The following ESPNL variants were observed in gnomAD, a reference collection of about 807,000 sequenced individuals.
The protein encoded by ESPNL is espin like, also known as espin-like protein.
A neutral mutation model predicts 46.8 loss-of-function variants in ESPNL; 49 were observed. The ratio of observed to expected loss-of-function variants is 1.05; its 90% CI spans 0.83 to 1.33. ESPNL has a LOEUF of 1.33. ESPNL is among the 40% of genes most tolerant of loss of function. The pLI, the probability that ESPNL is intolerant of heterozygous loss-of-function variation, is 0.00. For synonymous variants in ESPNL, 664 were observed against 662.1 expected (o/e 1.00, Z -0.04); for missense variants, 1,540 against 1,436.6 (o/e 1.07, Z -1.16).
intron 4 of ESPNL, among the ~76,000 whole-genome samples, chr2:238,109,110 G>A (rs954543169): frequency 1.3e-5 from 2 of 152,202 alleles, no homozygotes; most frequent in African/African-American, 2.4e-5. Context: ...CGCAGGCCCT[G>A]GGAGGCATGT....
At position 238,128,896 on chromosome 2, in the gene ESPNL, G is replaced by A. The variant is rs768608693; in HGVS notation, c.1405G>A (p.Glu469Lys). Residue 469 changes from glutamate (E) to lysine (K), a missense_variant, in exon 8 of 9, where the codon GAG becomes AAG. Transcript: ENST00000343063. ...GCGCCTGGGCGCAGAGAGCTCCGCA[G>A]AGGCCCAGGTAGGCCCCCGGCAGGG... ...QARLGAESSA[E>K]AQDNGGSSGP... The A allele has an allele frequency of 5.6e-5, 86 of 1,540,902 alleles. No individual in the cohort carries two copies. Among genetic ancestry groups the A allele is most frequent in the Non-Finnish European group, 7.4e-5 (85 of 1,145,676 alleles).
At position 238,102,065 on chromosome 2, in the gene ESPNL, C is replaced by T. The variant is rs372806468; in HGVS notation, c.419C>T (p.Pro140Leu). The stretch of plus-strand genomic sequence containing the variant: ...CTAGAGACCCGGGAGGGAGCCCGGC[C>T]GCTGCACCACGCTGCCGTCAGTGGG... ...ATLETREGARPLHHAAVSGDL... is the reference protein window; with the variant it reads ...ATLETREGARLLHHAAVSGDL... The change falls in exon 2 of 9, where the codon CCG becomes CTG. Residue 140 changes from proline to leucine, a missense_variant. Coordinates refer to ENST00000343063, the MANE Select transcript of ESPNL (RefSeq NM_194312.4). 2.6e-5 allele frequency: 42 copies of T among 1,587,782 alleles called. No homozygotes were observed. The African/African-American group carries it at 3.5e-4, about 13-fold the overall frequency.
At chr2:238,116,020 T>C (rs1691808010) in intron 4 of ESPNL, among the ~76,000 whole-genome samples, 1 of 152,248 alleles carries the variant, frequency 6.6e-6, no homozygotes, top group Non-Finnish European at 1.5e-5. Context: ...CACCCAAAGA[T>C]GCTGAGGCCC....
In ESPNL at chr2:238,131,166, G is replaced by A. The variant is rs1306959147; in HGVS notation, c.2452G>A (p.Val818Met). 7 of 1,544,898 alleles carry A rather than the reference G, an allele frequency of 4.5e-6. No homozygotes were observed. The highest frequency in any genetic ancestry group is 1.2e-5 in the South Asian group (1 of 84,056). Residue 818 changes from valine (V) to methionine (M), a missense_variant, in exon 9 of 9, where the codon GTG (valine) becomes ATG (methionine). Transcript: ENST00000343063. ...CAACTGGAAGGCCATCATGGCTCAC[G>A]TGCCCGCCCGGCAGCTGCGGCGGCT... ...LGNWKAIMAH[V>M]PARQLRRLSR... is the part of the protein sequence containing the mutation.
At chr2:238,113,511 T>G in intron 4 of ESPNL, among the ~76,000 whole-genome samples, 1 of 152,258 alleles carries the variant, frequency 6.6e-6, no homozygotes, top group East Asian at 1.9e-4. Flanking sequence ...CTTCTGGTTC[T>G]TGTTCATGGT....
At chr2:238,123,592 G>A (rs923960206) in intron 5 of ESPNL, among the ~76,000 whole-genome samples, 1 of 152,088 alleles carries the variant, frequency 6.6e-6, no homozygotes, top group Admixed American at 6.5e-5. Flanking sequence ...TCCCACACCC[G>A]GCCCAAGCCC....
At chr2:238,119,455 T>G (rs1197222835) in intron 5 of ESPNL, among the ~76,000 whole-genome samples, 2 of 76,214 alleles carry the variant, frequency 2.6e-5, no homozygotes, top group Admixed American at 1.4e-4. Flanking sequence ...GGAGAGGAGG[T>G]TAGATGAAGG....
At position 238,131,235 on chromosome 2, in the gene ESPNL, C is replaced by T; in HGVS notation, c.2521C>T (p.Pro841Ser). 1.9e-6 allele frequency: 3 copies of T among 1,561,550 alleles called. No homozygotes were observed. The highest frequency in any genetic ancestry group is 2.6e-6 in the Non-Finnish European group (3 of 1,156,324). ...GGCTTTGTCCCCCGAGCAGTTCCTGCCCCACGTGGACGGGGCTCCGGTGCC... is the reference window on the plus strand; with the variant it reads ...GGCTTTGTCCCCCGAGCAGTTCCTGTCCCACGTGGACGGGGCTCCGGTGCC... ...RGALSPEQFL[P>S]HVDGAPVPYS... Residue 841 changes from proline (P) to serine (S), a missense_variant, in exon 9 of 9, where the codon CCC becomes TCC. Transcript: ENST00000343063.
At chr2:238,108,812 C>G (rs1215278299) in intron 4 of ESPNL, among the ~76,000 whole-genome samples, 1 of 152,192 alleles carries the variant, frequency 6.6e-6, no homozygotes, top group Admixed American at 6.6e-5. Flanking sequence ...TCCTGGGGCC[C>G]CGGGTCACCC....
intron 6 of ESPNL, among the ~76,000 whole-genome samples, chr2:238,126,950 T>TGTGTGTCAC (rs1168591976): frequency 6.6e-6 from 1 of 151,166 alleles, no homozygotes; most frequent in Non-Finnish European, 1.5e-5. Flanking sequence ...TGTGTCACTG[T>TGTGTGTCAC]TATTGTGTGT....
chr2:238,121,912 A>G (rs1013459317), intron 5 of ESPNL, among the ~76,000 whole-genome samples: 8 of 152,366 alleles, frequency 5.3e-5, no homozygotes, highest in South Asian at 2.1e-4. Flanking sequence ...CCACACAGCC[A>G]GTAATGGAAT....
chr2:238,128,997 G>C, intron 8 of ESPNL, 93 bp downstream of exon 8: 5 of 1,464,186 alleles, frequency 3.4e-6, no homozygotes, highest in Non-Finnish European at 3.6e-6. Flanking sequence ...GCCCAGAACT[G>C]AATCCAAGAC....
chr2:238,123,125 C>T (rs899202259), intron 5 of ESPNL, among the ~76,000 whole-genome samples: 11 of 152,176 alleles, frequency 7.2e-5, no homozygotes, highest in African/African-American at 2.4e-5. Flanking sequence ...CTCTGAGGAC[C>T]GTTGAGTCTG....
intron 4 of ESPNL, among the ~76,000 whole-genome samples, chr2:238,109,611 C>A (rs7567226): frequency 0.4 from 60,760 of 152,180 alleles, 14,455 homozygotes; most frequent in East Asian, 0.67. Flanking sequence ...CCCACCTCAG[C>A]CTTCCAAAGT....
At chr2:238,111,824 T>C (rs536820719) in intron 4 of ESPNL, among the ~76,000 whole-genome samples, 2 of 152,370 alleles carry the variant, frequency 1.3e-5, no homozygotes, top group East Asian at 3.9e-4. Flanking sequence ...GGATCTACCC[T>C]GATTACTTTA....
rs764723977 is a variant in ESPNL, at chr2:238,107,788, C to G, written c.673-3C>G. ...GCTGCTCCCTCTGCCCCTCCTTCCCCAGGTCACATTCACCGACATCGGACT... is the reference window on the plus strand; with the variant it reads ...GCTGCTCCCTCTGCCCCTCCTTCCCGAGGTCACATTCACCGACATCGGACT... On this transcript the variant is annotated splice_region_variant and splice_polypyrimidine_tract_variant and intron_variant, in intron 3 of 8. Transcript: ENST00000343063. 5.7e-6 allele frequency: 9 copies of G among 1,580,514 alleles called. No homozygotes were observed. In the Admixed American group the frequency reaches 7.2e-5, roughly 13 times the overall value.
At chr2:238,102,251 G>A (rs531424426) in intron 2 of ESPNL, 120 bp downstream of exon 2, 15 of 883,406 alleles carry the variant, frequency 1.7e-5, no homozygotes, top group East Asian at 2.7e-5. Flanking sequence ...CTGCAGGCGG[G>A]CATGCTGTCA....
Position 238,131,158 on chromosome 2 carries a change from T to G in ESPNL, c.2444T>G (p.Met815Arg), listed in dbSNP as rs781163720. Residue 815 changes from methionine to arginine, a missense_variant, in exon 9 of 9, where the codon ATG (methionine) becomes AGG (arginine). By Grantham distance (91) the Met-to-Arg change is moderately conservative (BLOSUM62 -1). Coordinates refer to ENST00000343063, the MANE Select transcript of ESPNL (RefSeq NM_194312.4). ...CTGCTGGGCAACTGGAAGGCCATCATGGCTCACGTGCCCGCCCGGCAGCTG... is the reference window on the plus strand; with the variant it reads ...CTGCTGGGCAACTGGAAGGCCATCAGGGCTCACGTGCCCGCCCGGCAGCTG... ...THLLGNWKAI[M>R]AHVPARQLRR... is the part of the protein sequence containing the mutation. 5 of 1,546,086 alleles carry G rather than the reference T, an allele frequency of 3.2e-6. No homozygotes were observed. The highest frequency in any genetic ancestry group is 4.4e-6 in the Non-Finnish European group (5 of 1,147,056).
chr2:238,126,386 GTCTC>G (rs1317745970), intron 6 of ESPNL, among the ~76,000 whole-genome samples: 4 of 151,422 alleles, frequency 2.6e-5, no homozygotes, highest in Admixed American at 6.6e-5. Flanking sequence ...GTGATTGTGT[GTCTC>G]TGTATGATTA....
Sources: allele counts gnomAD v4.1 joint callset (sites outside exome capture counted in the v4.1 genomes callset), GRCh38; gene constraint gnomAD v4.1.1; transcripts MANE v1.5; gene names NCBI Gene and HGNC (gene_info 2026-07-23, HGNC 2026-07-21).